The following LRRC4C variants were observed in gnomAD, a reference collection of about 807,000 sequenced individuals.
The protein encoded by LRRC4C is leucine rich repeat containing 4C, also known as leucine-rich repeat-containing protein 4C.
A neutral mutation model predicts 33.6 loss-of-function variants in LRRC4C; 5 were observed. The observed-to-expected ratio is 0.15, with a 90% confidence interval of 0.08 to 0.31. The LOEUF is 0.31. Ranked by LOEUF, LRRC4C falls within the 10% of genes least tolerant of loss-of-function variation. The probability of loss-of-function intolerance (pLI) is 1.00; values close to 1 mark genes in which losing one functional copy is unlikely to be tolerated. For synonymous variants in LRRC4C, 329 were observed against 302.0 expected (o/e 1.09, Z -0.93); for missense variants, 560 against 796.7 (o/e 0.70, Z 3.58).
chr11:41,067,111 C>T (rs570451889), intron 1 of LRRC4C, among the ~76,000 whole-genome samples: 1 of 152,214 alleles, frequency 6.6e-6, no homozygotes, highest in Non-Finnish European at 1.5e-5. Context: ...AATTAAAAGA[C>T]AGAGACTGGC....
At chr11:40,672,864 A>G (rs1944199710) in intron 2 of LRRC4C, among the ~76,000 whole-genome samples, 1 of 152,178 alleles carries the variant, frequency 6.6e-6, no homozygotes. Context: ...GGGTAAAGAA[A>G]GACTTTGACT....
chr11:41,075,871 A>G lies in LRRC4C; in HGVS notation c.-495-142148T>C, dbSNP rs151087385. The stretch of plus-strand genomic sequence containing the variant: ...GCTAAATCCTAGTTGTCATCTTACT[A>G]AACCTTTTAGTAACCTCTGATTCAA... On this transcript the variant is annotated intron_variant, in intron 1 of 6. Transcript: ENST00000528697. 5.4e-4 allele frequency among the ~76,000 whole-genome samples: 83 copies of G among 152,338 alleles called. 1 individual carries two copies. The East Asian group carries it at 0.013, about 24-fold the overall frequency.
intron 1 of LRRC4C, among the ~76,000 whole-genome samples, chr11:40,991,953 C>A (rs1231246150): frequency 2.0e-5 from 3 of 152,110 alleles, no homozygotes; most frequent in Non-Finnish European, 4.4e-5. Context: ...AAGAGGCCAC[C>A]AACTGGTATA....
At chr11:40,732,442 C>G (rs902088596) in intron 2 of LRRC4C, among the ~76,000 whole-genome samples, 2 of 152,146 alleles carry the variant, frequency 1.3e-5, no homozygotes, top group Non-Finnish European at 1.5e-5. Context: ...TCCAATTCAG[C>G]GTCTTTCTTC....
chr11:40,630,447 C>CA, intron 3 of LRRC4C, among the ~76,000 whole-genome samples: 1 of 146,292 alleles, frequency 6.8e-6, no homozygotes, highest in East Asian at 2.0e-4. Context: ...AGTCAGTTTA[C>CA]CACTACTACC....
intron 3 of LRRC4C, among the ~76,000 whole-genome samples, chr11:40,435,760 A>G (rs576508424): frequency 6.6e-6 from 1 of 152,322 alleles, no homozygotes; most frequent in African/African-American, 2.4e-5. Flanking sequence ...GCAAAACAAT[A>G]TGCAACTATT....
intron 1 of LRRC4C, among the ~76,000 whole-genome samples, chr11:41,305,907 AT>A (rs1437254459): frequency 1.9e-4 from 17 of 91,726 alleles, no homozygotes; most frequent in South Asian, 6.4e-4. Flanking sequence ...CAATAAAAAA[AT>A]AAATTAAAAA....
intron 2 of LRRC4C, among the ~76,000 whole-genome samples, chr11:40,711,811 T>C (rs1946479617): frequency 1.3e-5 from 2 of 152,006 alleles, no homozygotes; most frequent in Non-Finnish European, 2.9e-5. Context: ...CTGGGTTTAA[T>C]GCTTTTTAAT....
Position 41,219,367 on chromosome 11 carries a change from C to A in LRRC4C, c.-496+240064G>T, listed in dbSNP as rs191522164. Among the ~76,000 whole-genome samples the A allele has an allele frequency of 7.8e-4, 119 of 152,104 alleles. 1 individual carries two copies. In the South Asian group the frequency reaches 0.023, roughly 30 times the overall value. On this transcript the variant is annotated intron_variant, in intron 1 of 6. Transcript: ENST00000528697. ...AAATTATCTAAAGAAAGTCAGAGAG[C>A]GGGTCATTGGGAAGAAAGTCAAATG...
chr11:40,141,303 C>G (rs1857349137), intron 5 of LRRC4C, among the ~76,000 whole-genome samples: 1 of 151,976 alleles, frequency 6.6e-6, no homozygotes, highest in African/African-American at 2.4e-5. Context: ...TTGGGATTGC[C>G]CACCACCAAC....
At chr11:40,669,440 A>G (rs1477139667) in intron 2 of LRRC4C, among the ~76,000 whole-genome samples, 1 of 152,176 alleles carries the variant, frequency 6.6e-6, no homozygotes, top group Non-Finnish European at 1.5e-5. Flanking sequence ...GGGAACCCAT[A>G]GACAGCTGAT....
intron 4 of LRRC4C, among the ~76,000 whole-genome samples, chr11:40,306,096 C>A (rs557136524): frequency 6.6e-6 from 1 of 152,290 alleles, no homozygotes; most frequent in South Asian, 2.1e-4. Flanking sequence ...TTCAGCCAGA[C>A]TGCCTGACTA....
intron 2 of LRRC4C, among the ~76,000 whole-genome samples, chr11:40,665,382 ATATATT>A (rs1943748495): frequency 6.0e-5 from 6 of 100,366 alleles, no homozygotes; most frequent in Non-Finnish European, 8.1e-5. Flanking sequence ...ATATATATAT[ATATATT>A]ATTAGGGGTA....
chr11:40,775,957 G>A (rs1047524243), intron 2 of LRRC4C, among the ~76,000 whole-genome samples: 2 of 151,336 alleles, frequency 1.3e-5, no homozygotes, highest in Non-Finnish European at 2.9e-5. Flanking sequence ...TTCTATGTTA[G>A]TTTATTGTGG....
intron 2 of LRRC4C, among the ~76,000 whole-genome samples, chr11:40,682,167 G>T (rs1366804763): frequency 1.3e-5 from 2 of 152,074 alleles, no homozygotes; most frequent in Non-Finnish European, 2.9e-5. Flanking sequence ...CTACCCAGGA[G>T]GCTGAGGTGG....
At chr11:40,679,263 AC>A (rs1054646507) in intron 2 of LRRC4C, among the ~76,000 whole-genome samples, 2 of 151,698 alleles carry the variant, frequency 1.3e-5, no homozygotes, top group African/African-American at 4.9e-5. Context: ...TGTTAAAGGC[AC>A]CTTTTTTTTT....
At chr11:40,128,642 T>C (rs1241913364) in intron 6 of LRRC4C, among the ~76,000 whole-genome samples, 1 of 152,214 alleles carries the variant, frequency 6.6e-6, no homozygotes, top group East Asian at 1.9e-4. Context: ...GCCTGACCTC[T>C]GTCTGCTTCT....
chr11:41,148,036 T>C (rs1448910016), intron 1 of LRRC4C, among the ~76,000 whole-genome samples: 1 of 152,158 alleles, frequency 6.6e-6, no homozygotes, highest in Non-Finnish European at 1.5e-5. Flanking sequence ...TTCTTTTTTT[T>C]GAGACAGAGT....
At chr11:41,418,078 A>G (rs1954752127) in intron 1 of LRRC4C, among the ~76,000 whole-genome samples, 1 of 151,886 alleles carries the variant, frequency 6.6e-6, no homozygotes, top group Non-Finnish European at 1.5e-5. Context: ...GCTAGCTCAA[A>G]TATTCCTTTC....
Sources: gnomAD v4.1 joint callset for allele counts (sites outside exome capture counted in the v4.1 genomes callset) on GRCh38, gnomAD v4.1.1 for gene constraint, MANE v1.5 for transcripts, NCBI Gene and HGNC (gene_info 2026-07-23, HGNC 2026-07-21) for gene names.